The following TRPM3 variants were observed in gnomAD, a reference collection of about 807,000 sequenced individuals.
TRPM3 encodes transient receptor potential cation channel subfamily M member 3.
Under a neutral mutation model 181.2 loss-of-function variants are expected in TRPM3, and 77 were observed. The observed-to-expected ratio is 0.42, with a 90% CI of 0.35 to 0.51. TRPM3 has a LOEUF of 0.51. Ranked by LOEUF, TRPM3 falls within the 20% of genes least tolerant of loss-of-function variation. The pLI is 0.01. For synonymous variants in TRPM3, 745 were observed against 796.4 expected (o/e 0.94, Z 1.09); for missense variants, 1,759 against 2,196.7 (o/e 0.80, Z 3.98).
chr9:70,628,940 A>G (rs761706719), intron 12 of TRPM3, among the ~76,000 whole-genome samples: 26 of 151,844 alleles, frequency 1.7e-4, no homozygotes, highest in Non-Finnish European at 2.8e-4. Flanking sequence ...AGACACCAAT[A>G]TTGCTTGAAG....
chr9:70,977,556 G>A, intron 1 of TRPM3, among the ~76,000 whole-genome samples: 1 of 152,168 alleles, frequency 6.6e-6, no homozygotes, highest in Admixed American at 6.5e-5. Flanking sequence ...TTTCGATTCT[G>A]ACACTATCTG....
At chr9:70,831,962 A>AATATATATATATAT (rs71367232) in intron 5 of TRPM3, among the ~76,000 whole-genome samples, 189 of 64,140 alleles carry the variant, frequency 2.9e-3, no homozygotes, top group Non-Finnish European at 4.0e-3. Flanking sequence ...GTACCCCATA[A>AATATATATATATAT]ATATATATAT....
chr9:70,584,193 T>C (rs921632247), intron 22 of TRPM3, among the ~76,000 whole-genome samples: 1 of 152,046 alleles, frequency 6.6e-6, no homozygotes, highest in Admixed American at 6.6e-5. Context: ...TGCCTGGCCT[T>C]CTTTCTCATA....
chr9:71,086,781 A>G (rs2065340528), intron 1 of TRPM3, among the ~76,000 whole-genome samples: 1 of 151,952 alleles, frequency 6.6e-6, no homozygotes, highest in Admixed American at 6.6e-5. Flanking sequence ...AAATGTGATG[A>G]ATATTTTTCA....
At chr9:70,754,132 A>G (rs887998618) in intron 8 of TRPM3, among the ~76,000 whole-genome samples, 4 of 152,172 alleles carry the variant, frequency 2.6e-5, no homozygotes, top group Admixed American at 1.3e-4. Context: ...GACAGACAGG[A>G]GCTCCAGGAG....
At chr9:71,244,103 G>A (rs993852030) in intron 1 of TRPM3, among the ~76,000 whole-genome samples, 5 of 152,140 alleles carry the variant, frequency 3.3e-5, no homozygotes, top group South Asian at 2.1e-4. Context: ...AAGGAGGCCC[G>A]TGAAGATACT....
chr9:71,241,517 G>A (rs1217566933), intron 1 of TRPM3, among the ~76,000 whole-genome samples: 1 of 131,496 alleles, frequency 7.6e-6, no homozygotes, highest in Non-Finnish European at 1.6e-5. Flanking sequence ...GAGGGGGGAG[G>A]GATAGCATTA....
rs770196109 is a variant in TRPM3, at chr9:70,863,081, C to T, written c.289G>A (p.Val97Ile). 1 of 1,613,460 alleles carries T rather than the reference C, an allele frequency of 6.2e-7. No individual in the cohort carries two copies. The highest frequency in any genetic ancestry group is 1.1e-5 in the South Asian group (1 of 91,060). The change falls in exon 3 of 26, where the codon GTT (valine) becomes ATT (isoleucine). Residue 97 changes from valine (V) to isoleucine (I), a missense_variant. This residue lies in a region of TRPM3 where 737 missense variants were observed against 957.4 expected (regional missense o/e 0.77). Coordinates refer to ENST00000677713, the MANE Select transcript of TRPM3 (RefSeq NM_001366145.2). Reference sequence around the variant, plus strand: ...ACGGAGATACTGGGGGTGAGGCCAACATGCTGGCCTATCAGACGCCCACAG... The same window carrying T: ...ACGGAGATACTGGGGGTGAGGCCAATATGCTGGCCTATCAGACGCCCACAG... ...CCCGRLIGQH[V>I]GLTPSISVLQ...
intron 1 of TRPM3, among the ~76,000 whole-genome samples, chr9:71,190,415 C>T (rs2077944476): frequency 6.6e-6 from 1 of 151,834 alleles, no homozygotes; most frequent in Non-Finnish European, 1.5e-5. Flanking sequence ...ATCCAAACAT[C>T]ATATTAAAAC....
rs143955115 is a variant in TRPM3 at position 71,052,303 on chromosome 9, T to C, written c.177+68875A>G. On this transcript the variant is annotated intron_variant, in intron 1 of 25. Coordinates refer to ENST00000677713, the MANE Select transcript of TRPM3 (RefSeq NM_001366145.2). ...ACTTTTATTGAATTCTAGAGCTTGG[T>C]GAAAAGAGTCTGGAAGACAGCTGTA... 7.2e-5 allele frequency among the ~76,000 whole-genome samples: 11 copies of C among 152,216 alleles called. No individual in the cohort carries two copies. The East Asian group carries it at 2.1e-3, about 30-fold the overall frequency.
chr9:70,607,101 G>A (rs1436917677), intron 19 of TRPM3, among the ~76,000 whole-genome samples: 3 of 152,158 alleles, frequency 2.0e-5, no homozygotes, highest in African/African-American at 4.8e-5. Context: ...GGGTCTAGGA[G>A]CCAGTTGGAC....
chr9:71,023,847 G>A (rs2097866313), intron 1 of TRPM3, among the ~76,000 whole-genome samples: 1 of 152,152 alleles, frequency 6.6e-6, no homozygotes, highest in Non-Finnish European at 1.5e-5. Flanking sequence ...GATGCAGGAG[G>A]GAGAGAAGGC....
intron 1 of TRPM3, among the ~76,000 whole-genome samples, chr9:71,173,848 G>A (rs1404407805): frequency 6.6e-6 from 1 of 152,158 alleles, no homozygotes; most frequent in Non-Finnish European, 1.5e-5. Context: ...TCTTACTTGT[G>A]AGCTTTTACT....
At chr9:71,220,392 A>ATTATTATTAT (rs1456050304) in intron 1 of TRPM3, among the ~76,000 whole-genome samples, 1 of 149,530 alleles carries the variant, frequency 6.7e-6, no homozygotes, top group African/African-American at 2.4e-5. Context: ...TATTATTATG[A>ATTATTATTAT]TCTGCTTACC....
chr9:70,696,216 C>T (rs1394191399), intron 8 of TRPM3, among the ~76,000 whole-genome samples: 2 of 152,194 alleles, frequency 1.3e-5, no homozygotes, highest in East Asian at 3.9e-4. Flanking sequence ...CAGTCCAAGT[C>T]TAGCCTGTAC....
At chr9:70,871,240 T>C (rs544862444) in intron 1 of TRPM3, among the ~76,000 whole-genome samples, 1 of 152,038 alleles carries the variant, frequency 6.6e-6, no homozygotes, top group Admixed American at 6.6e-5. Flanking sequence ...AATAAATTGA[T>C]TGTAGATAAT....
At chr9:70,685,775 T>C (rs141367972) in intron 8 of TRPM3, among the ~76,000 whole-genome samples, 2,145 of 152,310 alleles carry the variant, frequency 0.014, 20 homozygotes, top group Non-Finnish European at 0.022. Flanking sequence ...TACTTTTGCT[T>C]CCTTAGGTGT....
intron 1 of TRPM3, among the ~76,000 whole-genome samples, chr9:70,966,445 T>C (rs2133872792): frequency 6.6e-6 from 1 of 152,270 alleles, no homozygotes; most frequent in South Asian, 2.1e-4. Flanking sequence ...TGCATGCTTA[T>C]GTTCATTGCA....
At chr9:70,744,109 C>G (rs2074681274) in intron 8 of TRPM3, among the ~76,000 whole-genome samples, 1 of 151,982 alleles carries the variant, frequency 6.6e-6, no homozygotes, top group Non-Finnish European at 1.5e-5. Flanking sequence ...GGGTGAATCA[C>G]CCGAGGTCAG....
Sources: gnomAD v4.1 joint callset for allele counts (sites outside exome capture counted in the v4.1 genomes callset) on GRCh38, gnomAD v4.1.1 for gene constraint, gnomAD v4.1.1 regional missense constraint, MANE v1.5 for transcripts, NCBI Gene and HGNC (gene_info 2026-07-23, HGNC 2026-07-21) for gene names.